Variants in TMPRSS11B observed in about 807,000 individuals in gnomAD.
TMPRSS11B encodes the protein transmembrane serine protease 11B, also known as transmembrane protease serine 11B.
In TMPRSS11B, 53 loss-of-function variants were observed where a neutral mutation model predicts 44.7. The ratio of observed to expected loss-of-function variants is 1.19; its 90% CI spans 0.95 to 1.49. The LOEUF (loss-of-function observed/expected upper bound fraction) is 1.49, where lower values mean the gene tolerates loss of function less well. TMPRSS11B is among the 40% of genes most tolerant of loss of function. The probability of loss-of-function intolerance (pLI) is 0.00; values close to 1 mark genes in which losing one functional copy is unlikely to be tolerated. For missense variants in TMPRSS11B, 526 were observed against 494.8 expected (o/e 1.06, Z -0.60); for synonymous variants, 140 against 159.2 (o/e 0.88, Z 0.91).
chr4:68,242,301 TAATATATATA>T (rs1204247256), intron 1 of TMPRSS11B, among the ~76,000 whole-genome samples: 977 of 65,866 alleles, frequency 0.015, 14 homozygotes, highest in South Asian at 0.028. Context: ...ATACATAATA[TAATATATATA>T]ATATTATATA....
chr4:68,234,575 A>T lies in TMPRSS11B; in HGVS notation c.357T>A (p.Phe119Leu). Residue 119 changes from phenylalanine (F) to leucine (L), a missense_variant, in exon 5 of 10, where the codon TTT becomes TTA. Phe to Leu is a conservative substitution (Grantham distance 22). Coordinates refer to ENST00000332644, the MANE Select transcript of TMPRSS11B (RefSeq NM_182502.3). ...TCATGCTAACTCCTTCTGCTGGAGG[A>T]AACTTGAATTTCAGCTGTAACTGCA... ...SNVQLQLKFKFPPAEGVSMRT... is the reference protein window; with the variant it reads ...SNVQLQLKFKLPPAEGVSMRT... 1 of 1,613,946 alleles carries T rather than the reference A, an allele frequency of 6.2e-7. No homozygotes were observed. Among genetic ancestry groups the T allele is most frequent in the Non-Finnish European group, 8.5e-7 (1 of 1,179,956 alleles).
At position 68,236,133 on chromosome 4, in the gene TMPRSS11B, T is replaced by A. The variant is rs889708004; in HGVS notation, c.240+18A>T. 2.5e-6 allele frequency: 4 copies of A among 1,571,928 alleles called. No homozygotes were observed. Among genetic ancestry groups the A allele is most frequent in the South Asian group, 1.2e-5 (1 of 83,666 alleles). The stretch of plus-strand genomic sequence containing the variant: ...ATCAAATTTATAATAAAATTAATTT[T>A]AAAAATCTCTGATTTACCTTAGTCT... On this transcript the variant is annotated intron_variant, in intron 3 of 9. Transcript: ENST00000332644.
chr4:68,237,336 C>T (rs1227883399), intron 2 of TMPRSS11B, among the ~76,000 whole-genome samples: 1 of 152,116 alleles, frequency 6.6e-6, no homozygotes, highest in Non-Finnish European at 1.5e-5. Flanking sequence ...CCCAGTCTAT[C>T]ATTGATGGGC....
intron 2 of TMPRSS11B, 97 bp from the exon 3 acceptor site, chr4:68,236,363 G>T: frequency 1.4e-6 from 1 of 737,712 alleles, no homozygotes; most frequent in Non-Finnish European, 2.3e-6. Context: ...CCCAGCTTTA[G>T]AAATAATCCA....
intron 1 of TMPRSS11B, among the ~76,000 whole-genome samples, chr4:68,242,280 TA>T (rs1275912443): frequency 0.013 from 1,009 of 77,446 alleles, 16 homozygotes; most frequent in South Asian, 0.023. Context: ...TAATATTATA[TA>T]TATTATATTA....
intron 5 of TMPRSS11B, 74 bp downstream of exon 5, chr4:68,234,384 GTTCAC>G (rs1719602636): frequency 1.4e-6 from 2 of 1,467,980 alleles, no homozygotes; most frequent in Non-Finnish European, 1.8e-6. Flanking sequence ...AAAACTCTTA[GTTCAC>G]TTTTTAGTAC....
At chr4:68,230,607 C>T (rs1577975356) in intron 7 of TMPRSS11B, among the ~76,000 whole-genome samples, 1 of 151,986 alleles carries the variant, frequency 6.6e-6, no homozygotes, top group African/African-American at 2.4e-5. Flanking sequence ...AGTTCGAGAC[C>T]AGCCTGACTA....
In TMPRSS11B at chr4:68,227,930, G is replaced by A. The variant is rs772412474; in HGVS notation, c.1232C>T (p.Thr411Ile). Residue 411 changes from threonine to isoleucine, a missense_variant, in exon 10 of 10, where the codon ACA becomes ATA. By Grantham distance (89) the Thr-to-Ile change is moderately conservative. Transcript: ENST00000332644. ...TTTTTTTCAGAGTCCAGTCTTGGAT[G>A]TAATCCAATTGCGATAAGAAGTCAC... ...TRVTSYRNWI[T>I]SKTGL The A allele has an allele frequency of 8.1e-6, 13 of 1,611,714 alleles. No homozygotes were observed. In the Admixed American group the frequency reaches 1.3e-4, roughly 17 times the overall value.
At chr4:68,245,694 TAC>T, upstream of TMPRSS11B, 1 of 1,037,774 alleles carries the variant, frequency 9.6e-7, no homozygotes, top group Admixed American at 1.9e-5. Flanking sequence ...ACTTATGTGC[TAC>T]ATCCAGTGTT....
At chr4:68,242,852 C>T (rs1481739881) in intron 1 of TMPRSS11B, among the ~76,000 whole-genome samples, 1 of 152,102 alleles carries the variant, frequency 6.6e-6, no homozygotes, top group Non-Finnish European at 1.5e-5. Context: ...CAAGCATGAG[C>T]CACTGCACCT....
chr4:68,228,641 C>G, intron 9 of TMPRSS11B, 101 bp downstream of exon 9: 1 of 1,169,438 alleles, frequency 8.6e-7, no homozygotes, highest in Non-Finnish European at 1.2e-6. Flanking sequence ...AAATACAAAG[C>G]TACTATGTCA....
At chr4:68,244,621 A>G (rs1719951056) in intron 1 of TMPRSS11B, among the ~76,000 whole-genome samples, 1 of 152,256 alleles carries the variant, frequency 6.6e-6, no homozygotes, top group Non-Finnish European at 1.5e-5. Flanking sequence ...GCCTTAATCA[A>G]CTTGCAATAA....
rs1347949809 is a variant in TMPRSS11B, at chr4:68,245,547, T to C, written c.8+4A>G. The stretch of plus-strand genomic sequence containing the variant: ...CTTGCTCTCCCCAGTGAAGTCCCCT[T>C]TACCTGTACATAATGTTCTGATTGT... On this transcript the variant is annotated splice_donor_region_variant and intron_variant, in intron 1 of 9. Transcript: ENST00000332644. 1 of 1,613,646 alleles carries C rather than the reference T, an allele frequency of 6.2e-7. No homozygotes were observed. The highest frequency in any genetic ancestry group is 1.3e-5 in the African/African-American group (1 of 74,998).
chr4:68,231,372 T>C lies in TMPRSS11B; in HGVS notation c.517A>G (p.Arg173Gly), dbSNP rs1053724922. 6.2e-7 allele frequency: 1 copy of C among 1,611,606 alleles called. No homozygotes were observed. The highest frequency in any genetic ancestry group is 1.7e-5 in the Admixed American group (1 of 59,578). Reference protein sequence around the residue: ...SEMLTNNCCGRQVANSIITGN... With the variant: ...SEMLTNNCCGGQVANSIITGN... ...GTTATGATACTGTTGGCTACTTGTC[T>C]CCCACAACCTAGAGAAAGGATTTAT... Residue 173 changes from arginine to glycine, a missense_variant, in exon 7 of 10, where the codon AGA becomes GGA. By Grantham distance (125) the Arg-to-Gly change is moderately radical. Transcript: ENST00000332644.
At position 68,229,607 on chromosome 4, in the gene TMPRSS11B, G is replaced by A. The variant is rs1719454971; in HGVS notation, c.687-91C>T. 5 of 1,222,042 alleles carry A rather than the reference G, an allele frequency of 4.1e-6. No individual in the cohort carries two copies. In the African/African-American group the frequency reaches 6.0e-5, roughly 15 times the overall value. The allele number at this position is 1,222,042 out of a possible 1,614,324, so 75.7% of individuals were successfully genotyped here. On this transcript the variant is annotated intron_variant, in intron 7 of 9. Transcript: ENST00000332644. ...TTATCTCATAATTTTAAGGCATGAG[G>A]TTCCCAAACAAAACTATAAACCACT... is the stretch of plus-strand genomic sequence containing the variant.
chr4:68,241,620 G>T, intron 2 of TMPRSS11B, 69 bp downstream of exon 2: 3 of 952,580 alleles, frequency 3.1e-6, no homozygotes, highest in African/African-American at 1.7e-5. Context: ...TGTTCATGTT[G>T]TTTTTTTTCA....
chr4:68,235,561 C>G (rs1719635607), intron 4 of TMPRSS11B, among the ~76,000 whole-genome samples: 1 of 152,070 alleles, frequency 6.6e-6, no homozygotes, highest in African/African-American at 2.4e-5. Context: ...TGTCTTTGTT[C>G]CACAGCCATT....
intron 4 of TMPRSS11B, among the ~76,000 whole-genome samples, chr4:68,234,889 G>T (rs1490750872): frequency 6.6e-6 from 1 of 152,044 alleles, no homozygotes; most frequent in Non-Finnish European, 1.5e-5. Flanking sequence ...ATGGAATACT[G>T]GCCAAGAAAT....
At chr4:68,232,957 G>GA (rs1719558674) in intron 5 of TMPRSS11B, among the ~76,000 whole-genome samples, 1 of 146,542 alleles carries the variant, frequency 6.8e-6, no homozygotes, top group Non-Finnish European at 1.5e-5. Flanking sequence ...ATATTTTAAG[G>GA]AAAAATGTCC....
Sources: allele counts gnomAD v4.1 joint callset (sites outside exome capture counted in the v4.1 genomes callset), GRCh38; gene constraint gnomAD v4.1.1; transcripts MANE v1.5; gene names NCBI Gene and HGNC (gene_info 2026-07-23, HGNC 2026-07-21).